Variants in RSPO2 observed in about 807,000 individuals in gnomAD.
RSPO2 encodes R-spondin 2, also known as R-spondin-2.
RSPO2 carries 14 observed loss-of-function variants against 30.9 expected under a neutral mutation model. The observed-to-expected ratio is 0.45, with a 90% CI of 0.30 to 0.71. The LOEUF is 0.71. Ranked by LOEUF, RSPO2 falls within the 30% of genes least tolerant of loss-of-function variation. RSPO2 has a pLI of 0.08. For missense variants in RSPO2, 264 were observed against 301.9 expected, an observed-to-expected ratio of 0.87 and a Z score of 0.93; for synonymous variants, 107 against 96.4, an observed-to-expected ratio of 1.11 and a Z score of -0.64.
At chr8:107,925,801 T>C (rs1173260033) in intron 5 of RSPO2, among the ~76,000 whole-genome samples, 2 of 152,220 alleles carry the variant, frequency 1.3e-5, no homozygotes, top group Non-Finnish European at 1.5e-5. Flanking sequence ...ATCCAGTCTA[T>C]CATTGTTGGA....
chr8:107,951,631 G>A (rs891618896), intron 5 of RSPO2, among the ~76,000 whole-genome samples: 4 of 152,090 alleles, frequency 2.6e-5, no homozygotes, highest in African/African-American at 4.8e-5. Flanking sequence ...AGACTAGTAC[G>A]TGCTGCCCCA....
chr8:108,058,090 C>A (rs1378372210), intron 2 of RSPO2, among the ~76,000 whole-genome samples: 1 of 151,454 alleles, frequency 6.6e-6, no homozygotes, highest in African/African-American at 2.4e-5. Context: ...TTTGCCCATT[C>A]AGTATGATAT....
chr8:107,992,319 C>T (rs1814876153), intron 2 of RSPO2, among the ~76,000 whole-genome samples: 1 of 152,046 alleles, frequency 6.6e-6, no homozygotes, highest in Non-Finnish European at 1.5e-5. Context: ...AAACAAAATA[C>T]CCCGTGTTTT....
intron 2 of RSPO2, among the ~76,000 whole-genome samples, chr8:108,071,282 G>A (rs1420337417): frequency 6.6e-6 from 1 of 152,044 alleles, no homozygotes; most frequent in Non-Finnish European, 1.5e-5. Flanking sequence ...TAAATGAGGG[G>A]AAAAAAGAAC....
In RSPO2 at chr8:108,083,578, C is replaced by T. The variant is rs1813284618; in HGVS notation, c.-551G>A. On this transcript the variant is annotated 5_prime_UTR_variant, in exon 1 of 6. Transcript: ENST00000276659. ...ACGCTCTCGGGAGGACGAAGTGATC[C>T]GAAGGGATGTGGCAAGCGCACTTTC... The T allele has an allele frequency of 6.6e-6, 1 of 152,320 alleles. No individual in the cohort carries two copies. Among genetic ancestry groups the T allele is most frequent in the South Asian group, 2.1e-4 (1 of 4,832 alleles). 9.4% of individuals were successfully genotyped at this position (152,320 alleles called of 1,614,324 possible).
intron 5 of RSPO2, among the ~76,000 whole-genome samples, chr8:107,924,028 A>T (rs1477582109): frequency 1.3e-5 from 2 of 151,856 alleles, no homozygotes; most frequent in African/African-American, 4.8e-5. Flanking sequence ...AATCTGTACA[A>T]ACAACCCCCT....
intron 2 of RSPO2, among the ~76,000 whole-genome samples, chr8:108,021,498 T>G (rs377622727): frequency 1.3e-5 from 2 of 151,938 alleles, no homozygotes; most frequent in Non-Finnish European, 2.9e-5. Flanking sequence ...ATGCCAAACC[T>G]CTCCTCTTCA....
intron 5 of RSPO2, among the ~76,000 whole-genome samples, chr8:107,905,615 C>T (rs1811613454): frequency 6.6e-6 from 1 of 152,030 alleles, no homozygotes; most frequent in Non-Finnish European, 1.5e-5. Context: ...TTCAGTCATT[C>T]TTCAAAGCCA....
chr8:107,968,672 T>C (rs1813896864), intron 3 of RSPO2, among the ~76,000 whole-genome samples: 1 of 152,102 alleles, frequency 6.6e-6, no homozygotes, highest in Admixed American at 6.6e-5. Context: ...GGTATACAGA[T>C]ATCAAAATAT....
intron 5 of RSPO2, among the ~76,000 whole-genome samples, chr8:107,928,102 T>A (rs1812442604): frequency 6.6e-6 from 1 of 152,182 alleles, no homozygotes; most frequent in African/African-American, 2.4e-5. Context: ...AAAAGTATTT[T>A]AGAGACCCAT....
At chr8:107,927,000 T>A (rs1812398647) in intron 5 of RSPO2, among the ~76,000 whole-genome samples, 1 of 152,192 alleles carries the variant, frequency 6.6e-6, no homozygotes, top group African/African-American at 2.4e-5. Flanking sequence ...ATGGCCATTT[T>A]CACGATATTG....
chr8:108,033,063 A>G (rs1811477697), intron 2 of RSPO2, among the ~76,000 whole-genome samples: 2 of 151,036 alleles, frequency 1.3e-5, no homozygotes, highest in Non-Finnish European at 1.5e-5. Context: ...AAAAAAAAAA[A>G]AAAAAAAAAA....
At chr8:108,033,049 C>CAAAAAAAAA (rs35774922) in intron 2 of RSPO2, among the ~76,000 whole-genome samples, 1 of 68,766 alleles carries the variant, frequency 1.5e-5, no homozygotes, top group African/African-American at 6.1e-5. Flanking sequence ...GACTCTGTCT[C>CAAAAAAAAA]AAAAAAAAAA....
chr8:108,035,693 G>C (rs144803821), intron 2 of RSPO2, among the ~76,000 whole-genome samples: 3 of 152,008 alleles, frequency 2.0e-5, no homozygotes, highest in Non-Finnish European at 2.9e-5. Flanking sequence ...GGATGGTTTC[G>C]ATCTCCTGAC....
intron 5 of RSPO2, among the ~76,000 whole-genome samples, chr8:107,909,688 A>T (rs868848166): frequency 1.3e-5 from 2 of 152,108 alleles, no homozygotes; most frequent in Admixed American, 6.6e-5. Flanking sequence ...CCTCATCCTA[A>T]CTCTGAAACC....
At chr8:108,045,753 T>A (rs1383392870) in intron 2 of RSPO2, among the ~76,000 whole-genome samples, 1 of 152,136 alleles carries the variant, frequency 6.6e-6, no homozygotes, top group East Asian at 1.9e-4. Flanking sequence ...GTTATACTGA[T>A]ACATACATCT....
At chr8:108,050,802 G>A (rs970075380) in intron 2 of RSPO2, among the ~76,000 whole-genome samples, 10 of 152,126 alleles carry the variant, frequency 6.6e-5, no homozygotes, top group Non-Finnish European at 1.3e-4. Context: ...AGAAGTGGCC[G>A]AATATGCTCT....
At chr8:108,046,919 A>G (rs1441131814) in intron 2 of RSPO2, among the ~76,000 whole-genome samples, 2 of 152,216 alleles carry the variant, frequency 1.3e-5, no homozygotes, top group Non-Finnish European at 2.9e-5. Context: ...ATAAATATAT[A>G]TAGTAATCAT....
At chr8:108,065,419 T>G (rs1213782478) in intron 2 of RSPO2, among the ~76,000 whole-genome samples, 1 of 152,118 alleles carries the variant, frequency 6.6e-6, no homozygotes, top group East Asian at 1.9e-4. Flanking sequence ...TTCATAATAC[T>G]TATGGCCAAA....
Sources: allele counts gnomAD v4.1 joint callset (sites outside exome capture counted in the v4.1 genomes callset), GRCh38; gene constraint gnomAD v4.1.1; transcripts MANE v1.5; gene names NCBI Gene and HGNC (gene_info 2026-07-23, HGNC 2026-07-21).